Variants in CUX1 observed in about 807,000 individuals in gnomAD.
The protein encoded by CUX1 is cut like homeobox 1, also known as protein CASP.
CUX1 carries 31 observed loss-of-function variants against 158.8 expected under a neutral mutation model. The observed-to-expected ratio is 0.20, with a 90% CI of 0.15 to 0.26. The LOEUF (loss-of-function observed/expected upper bound fraction) is 0.26, where lower values mean the gene tolerates loss of function less well. Among genes scored for constraint, CUX1 ranks in the 10% least tolerant of loss-of-function variants. The pLI, the probability that CUX1 is intolerant of heterozygous loss-of-function variation, is 1.00. For synonymous variants in CUX1, 879 were observed against 862.1 expected, an observed-to-expected ratio of 1.02 and a Z score of -0.34; for missense variants, 1,589 against 2,014.6, an observed-to-expected ratio of 0.79 and a Z score of 4.04.
At chr7:102,146,509 G>A (rs1835039793) in intron 8 of CUX1, among the ~76,000 whole-genome samples, 1 of 152,174 alleles carries the variant, frequency 6.6e-6, no homozygotes, top group Non-Finnish European at 1.5e-5. Flanking sequence ...TCAACTTGTG[G>A]GGCAGGAAGG....
chr7:101,829,404 G>A (rs748726698), intron 1 of CUX1, among the ~76,000 whole-genome samples: 37 of 152,236 alleles, frequency 2.4e-4, no homozygotes, highest in African/African-American at 7.9e-4. Flanking sequence ...GGACGGACAC[G>A]GGCTTAGGCT....
chr7:101,966,158 CG>C (rs1407704671), intron 2 of CUX1, among the ~76,000 whole-genome samples: 1 of 151,968 alleles, frequency 6.6e-6, no homozygotes, highest in Non-Finnish European at 1.5e-5. Context: ...TCAACCTCCC[CG>C]GGCTCAGCTG....
chr7:101,965,691 CA>C (rs1218328838), intron 2 of CUX1, among the ~76,000 whole-genome samples: 2 of 150,736 alleles, frequency 1.3e-5, no homozygotes, highest in African/African-American at 2.4e-5. Flanking sequence ...ACTAAAAATA[CA>C]AAAAAAATTA....
At chr7:102,190,040 C>T (rs1376316223) in intron 12 of CUX1, among the ~76,000 whole-genome samples, 169 bp downstream of exon 12, 1 of 152,272 alleles carries the variant, frequency 6.6e-6, no homozygotes, top group Non-Finnish European at 1.5e-5. Flanking sequence ...GGCTACCCAC[C>T]ACTGTGGGCG....
chr7:102,263,285 G>T (rs1586490907), intron 14 of CUX1, among the ~76,000 whole-genome samples: 2 of 144,588 alleles, frequency 1.4e-5, no homozygotes, highest in African/African-American at 5.1e-5. Context: ...AAAGTACTGG[G>T]ATTACAGGTA....
chr7:101,831,097 A>C (rs534200310), intron 1 of CUX1, among the ~76,000 whole-genome samples: 1 of 152,246 alleles, frequency 6.6e-6, no homozygotes, highest in African/African-American at 2.4e-5. Flanking sequence ...GAGGTGTCCA[A>C]TGGCAGCGGG....
chr7:101,953,178 C>T (rs949284637), intron 2 of CUX1, among the ~76,000 whole-genome samples: 6 of 152,188 alleles, frequency 3.9e-5, no homozygotes, highest in Non-Finnish European at 7.3e-5. Context: ...CTCTTCTCCC[C>T]CAACTGTGAC....
chr7:102,249,144 C>G lies in CUX1; in HGVS notation c.*102C>G, dbSNP rs376518875. On this transcript the variant is annotated 3_prime_UTR_variant, in exon 24 of 24. Coordinates refer to ENST00000292535, the MANE Select transcript of CUX1 (RefSeq NM_181552.4). ...GACACCGTGGCCTGGGCTTGGCCCG[C>G]GGCCTGCACCGACCCCGGGCCGGAC... 2.6e-6 allele frequency: 3 copies of G among 1,157,048 alleles called. No homozygotes were observed. Among genetic ancestry groups the G allele is most frequent in the Non-Finnish European group, 3.2e-6 (3 of 938,182 alleles). 71.7% of individuals were successfully genotyped at this position (1,157,048 alleles called of 1,614,324 possible).
intron 12 of CUX1, among the ~76,000 whole-genome samples, chr7:102,190,734 G>A (rs1218087229): frequency 2.6e-5 from 4 of 152,068 alleles, no homozygotes; most frequent in African/African-American, 4.8e-5. Context: ...GTTCCTCCCT[G>A]CCCTTGTCAC....
intron 1 of CUX1, among the ~76,000 whole-genome samples, chr7:101,880,952 T>C (rs1351748435): frequency 6.6e-6 from 1 of 152,216 alleles, no homozygotes; most frequent in Non-Finnish European, 1.5e-5. Context: ...GCTCATCCCA[T>C]GTCCAATTAG....
At chr7:101,857,069 A>G (rs1368142005) in intron 1 of CUX1, among the ~76,000 whole-genome samples, 2 of 152,170 alleles carry the variant, frequency 1.3e-5, no homozygotes, top group African/African-American at 4.8e-5. Context: ...CCTCTCCAGC[A>G]GGTGGACTCT....
intron 21 of CUX1, among the ~76,000 whole-genome samples, chr7:102,230,322 A>AATT (rs1563452609): frequency 1.3e-5 from 2 of 151,460 alleles, no homozygotes; most frequent in Non-Finnish European, 2.9e-5. Context: ...CAAAAAAAAA[A>AATT]TTTTTTAAAA....
chr7:102,170,764 G>A (rs1791623024), intron 10 of CUX1, among the ~76,000 whole-genome samples: 1 of 152,212 alleles, frequency 6.6e-6, no homozygotes, highest in Non-Finnish European at 1.5e-5. Flanking sequence ...GGTGGGCTGA[G>A]GCTAGCGTGG....
At chr7:102,264,116 C>T (rs1489976367) in intron 14 of CUX1, among the ~76,000 whole-genome samples, 3 of 151,024 alleles carry the variant, frequency 2.0e-5, no homozygotes, top group Non-Finnish European at 4.4e-5. Context: ...AGTGATTCTC[C>T]TGCCTCAGCC....
At chr7:102,061,848 A>G (rs1434795188) in intron 3 of CUX1, among the ~76,000 whole-genome samples, 1 of 152,192 alleles carries the variant, frequency 6.6e-6, no homozygotes, top group Non-Finnish European at 1.5e-5. Flanking sequence ...TGTGCCCGGC[A>G]CTGTATGTTA....
At chr7:101,837,706 C>A (rs1794773298) in intron 1 of CUX1, among the ~76,000 whole-genome samples, 1 of 151,648 alleles carries the variant, frequency 6.6e-6, no homozygotes, top group African/African-American at 2.4e-5. Context: ...TGACGCACAC[C>A]TGTGTTCCCA....
chr7:102,002,968 C>T (rs2129278693), intron 2 of CUX1, among the ~76,000 whole-genome samples: 1 of 152,160 alleles, frequency 6.6e-6, no homozygotes, highest in East Asian at 1.9e-4. Context: ...ATGGCACAAT[C>T]TCGGCTCACT....
At chr7:102,060,953 G>A (rs1283854374) in intron 3 of CUX1, among the ~76,000 whole-genome samples, 1 of 115,704 alleles carries the variant, frequency 8.6e-6, no homozygotes, top group Non-Finnish European at 1.7e-5. Flanking sequence ...CTCTCACTGT[G>A]TCTCACTCTA....
intron 1 of CUX1, among the ~76,000 whole-genome samples, chr7:101,903,731 G>T (rs1038457479): frequency 1.1e-4 from 17 of 152,104 alleles, no homozygotes; most frequent in African/African-American, 4.1e-4. Context: ...ACATCTCACC[G>T]TTTAAATGAG....
Sources: allele counts gnomAD v4.1 joint callset (sites outside exome capture counted in the v4.1 genomes callset), GRCh38; gene constraint gnomAD v4.1.1; transcripts MANE v1.5; gene names NCBI Gene and HGNC (gene_info 2026-07-23, HGNC 2026-07-21).